Variants in UGT2B11 observed in about 807,000 individuals in gnomAD.
UGT2B11 encodes UDP glucuronosyltransferase family 2 member B11.
In UGT2B11, 49 loss-of-function variants were observed where a neutral mutation model predicts 51.7. The observed-to-expected ratio is 0.95, with a 90% CI of 0.75 to 1.20. The LOEUF (loss-of-function observed/expected upper bound fraction) is 1.20. Among genes scored for constraint, UGT2B11 ranks in the 50% most tolerant of loss-of-function variants. The pLI is 0.00. For missense variants in UGT2B11, 810 were observed against 622.1 expected (o/e 1.30, Z -3.21); for synonymous variants, 273 against 209.0 (o/e 1.31, Z -2.64).
upstream of UGT2B11, among the ~76,000 whole-genome samples, chr4:69,218,387 C>T (rs866218035): frequency 6.6e-6 from 1 of 151,984 alleles, no homozygotes; most frequent in South Asian, 2.1e-4. Context: ...ATTTTTCATA[C>T]TTTCAGTAAT....
chr4:69,200,336 TCACAGGAA>T lies in UGT2B11; in HGVS notation c.*96_*103del. The T allele has an allele frequency of 2.8e-6, 3 of 1,089,426 alleles. No individual in the cohort carries two copies. The highest frequency in any genetic ancestry group is 3.5e-6 in the Non-Finnish European group (3 of 854,680). 67.5% of individuals were successfully genotyped at this position (1,089,426 alleles called of 1,614,324 possible). ...AATTTTTTTTTTTTTTTTTTTTTTG[TCACAGGAA>T]GAAAGAAATCTTGCATAACAATCTT... On this transcript the variant is annotated 3_prime_UTR_variant, in exon 6 of 6. Transcript: ENST00000446444.
upstream of UGT2B11, among the ~76,000 whole-genome samples, chr4:69,217,603 C>T (rs940159687): frequency 1.3e-5 from 2 of 152,052 alleles, no homozygotes; most frequent in African/African-American, 4.8e-5. Flanking sequence ...AGTGACCTTT[C>T]CAAGACAGCC....
intron 2 of UGT2B11, among the ~76,000 whole-genome samples, chr4:69,212,255 GT>G (rs1315001196): frequency 6.6e-6 from 1 of 151,522 alleles, no homozygotes; most frequent in Non-Finnish European, 1.5e-5. Flanking sequence ...ACTTACTTGT[GT>G]TTTGTGCTAA....
At chr4:69,223,701 T>C in the UGT2B11 span, among the ~76,000 whole-genome samples, 7 of 152,240 alleles carry the variant, frequency 4.6e-5, no homozygotes, top group South Asian at 1.5e-3. Flanking sequence ...GTGGTGGATG[T>C]TCTCTAGGCC....
At chr4:69,217,600 T>A (rs1201827733), upstream of UGT2B11, among the ~76,000 whole-genome samples, 1 of 152,040 alleles carries the variant, frequency 6.6e-6, no homozygotes, top group Admixed American at 6.6e-5. Flanking sequence ...TAAAGTGACC[T>A]TTCCAAGACA....
chr4:69,222,840 T>C, the UGT2B11 span, among the ~76,000 whole-genome samples: 369 of 152,286 alleles, frequency 2.4e-3, 2 homozygotes, highest in Middle Eastern at 6.8e-3. Flanking sequence ...ATAAGGGACA[T>C]AGTTTGGGTG....
chr4:69,218,980 C>A (rs555518541), upstream of UGT2B11, among the ~76,000 whole-genome samples: 9 of 152,094 alleles, frequency 5.9e-5, no homozygotes, highest in Non-Finnish European at 8.8e-5. Context: ...GTCTACTATT[C>A]CTTTGACTCA....
the UGT2B11 span, among the ~76,000 whole-genome samples, chr4:69,221,474 C>G: frequency 6.6e-6 from 1 of 152,126 alleles, no homozygotes; most frequent in South Asian, 2.1e-4. Flanking sequence ...AGGCCCAGAC[C>G]TCGAAGTTGA....
the UGT2B11 span, among the ~76,000 whole-genome samples, chr4:69,220,380 G>T: frequency 1.3e-5 from 2 of 152,024 alleles, no homozygotes; most frequent in Non-Finnish European, 2.9e-5. Context: ...TCATACTGTG[G>T]TCTGGAGGAC....
chr4:69,214,835 A>C, upstream of UGT2B11: 1 of 1,486,540 alleles, frequency 6.7e-7, no homozygotes, highest in Non-Finnish European at 9.0e-7. Flanking sequence ...TAAATATATT[A>C]TAGGAGCATC....
chr4:69,206,113 C>A (rs1721845874), intron 3 of UGT2B11, among the ~76,000 whole-genome samples: 1 of 151,276 alleles, frequency 6.6e-6, no homozygotes, highest in Admixed American at 6.6e-5. Flanking sequence ...ACCCAGCAAT[C>A]CCATTACTGG....
intron 2 of UGT2B11, among the ~76,000 whole-genome samples, chr4:69,210,388 TC>T (rs1722016765): frequency 6.6e-6 from 1 of 151,554 alleles, no homozygotes; most frequent in South Asian, 2.1e-4. Flanking sequence ...AGTGTCTTAT[TC>T]TCTTAAAATA....
the UGT2B11 span, among the ~76,000 whole-genome samples, chr4:69,222,033 C>G: frequency 6.6e-6 from 1 of 152,086 alleles, no homozygotes; most frequent in Non-Finnish European, 1.5e-5. Context: ...CAATTGGCCT[C>G]TCCTCTCTTG....
At chr4:69,212,834 T>G in intron 1 of UGT2B11, 113 bp from the exon 2 acceptor site, 1 of 1,032,378 alleles carries the variant, frequency 9.7e-7, no homozygotes, top group Non-Finnish European at 1.3e-6. Flanking sequence ...TTTATGTGCT[T>G]TGAAAAATAT....
chr4:69,215,060 G>A (rs1445241559), upstream of UGT2B11: 7 of 211,896 alleles, frequency 3.3e-5, no homozygotes, highest in Admixed American at 3.6e-4. Context: ...AATAAGAGAT[G>A]AAATGATTGT....
At chr4:69,204,299 A>C in intron 5 of UGT2B11, 131 bp downstream of exon 5, 6 of 1,377,466 alleles carry the variant, frequency 4.4e-6, no homozygotes, top group Non-Finnish European at 5.9e-6. Flanking sequence ...AACAAAGCAG[A>C]TTTCAGATTG....
upstream of UGT2B11, among the ~76,000 whole-genome samples, chr4:69,217,814 T>G (rs1215478242): frequency 6.6e-6 from 1 of 152,042 alleles, no homozygotes. Context: ...AAAAAAAATT[T>G]ATTTGCCACA....
At chr4:69,218,740 C>A (rs1339102941), upstream of UGT2B11, among the ~76,000 whole-genome samples, 1 of 152,026 alleles carries the variant, frequency 6.6e-6, no homozygotes, top group East Asian at 1.9e-4. Context: ...TATGACATTA[C>A]AGAGTAGGGC....
At chr4:69,205,733 A>G (rs1721829842) in intron 3 of UGT2B11, 166 bp from the exon 4 acceptor site, 2 of 777,714 alleles carry the variant, frequency 2.6e-6, no homozygotes, top group African/African-American at 1.8e-5. Flanking sequence ...AACTTTTATA[A>G]TGATTTAGAT....
Sources: gnomAD v4.1 joint callset for allele counts (sites outside exome capture counted in the v4.1 genomes callset) on GRCh38, gnomAD v4.1.1 for gene constraint, MANE v1.5 for transcripts, NCBI Gene and HGNC (gene_info 2026-07-23, HGNC 2026-07-21) for gene names.